The following SPMIP2 variants were observed in gnomAD, a reference collection of about 807,000 sequenced individuals.
SPMIP2 encodes sperm microtubule inner protein 2, also known as protein SPMIP2.
chr4:159,026,391 TG>T, the SPMIP2 span: 1 of 885,032 alleles, frequency 1.1e-6, no homozygotes, highest in Non-Finnish European at 1.8e-6. Context: ...ACTTTACAGA[TG>T]GATCATTGGT....
the SPMIP2 span, among the ~76,000 whole-genome samples, chr4:158,939,069 G>A: frequency 6.6e-6 from 1 of 152,194 alleles, no homozygotes; most frequent in African/African-American, 2.4e-5. Flanking sequence ...TGCTTCCTCA[G>A]CATCACTTGC....
the SPMIP2 span, among the ~76,000 whole-genome samples, chr4:159,053,026 G>A: frequency 7.2e-6 from 1 of 138,586 alleles, no homozygotes; most frequent in Non-Finnish European, 1.5e-5. Context: ...GCGGGATCTC[G>A]GCTCACTGCA....
chr4:158,945,840 AT>A, the SPMIP2 span, among the ~76,000 whole-genome samples: 16 of 151,534 alleles, frequency 1.1e-4, no homozygotes, highest in Non-Finnish European at 2.2e-4. Context: ...CTTGTCTGTT[AT>A]TTTTTTTTCT....
the SPMIP2 span, among the ~76,000 whole-genome samples, chr4:159,010,412 C>T: frequency 6.6e-6 from 1 of 152,142 alleles, no homozygotes; most frequent in South Asian, 2.1e-4. Flanking sequence ...TAAAATCTGC[C>T]TTCCTGTAAC....
At chr4:159,075,744 G>C in the SPMIP2 span, among the ~76,000 whole-genome samples, 1 of 151,178 alleles carries the variant, frequency 6.6e-6, no homozygotes, top group Non-Finnish European at 1.5e-5. Context: ...TTAAAATAGT[G>C]ATGCCATGAC....
chr4:159,052,621 A>C, the SPMIP2 span, among the ~76,000 whole-genome samples: 1 of 150,624 alleles, frequency 6.6e-6, no homozygotes, highest in Admixed American at 6.6e-5. Flanking sequence ...TATTATTATT[A>C]TTATTATTAT....
the SPMIP2 span, among the ~76,000 whole-genome samples, chr4:159,058,186 C>T: frequency 7.1e-5 from 10 of 141,446 alleles, no homozygotes; most frequent in Admixed American, 2.8e-4. Flanking sequence ...ATTTGCTGGG[C>T]TTTTTTTTTT....
At chr4:159,013,718 TG>T in the SPMIP2 span, among the ~76,000 whole-genome samples, 1 of 149,012 alleles carries the variant, frequency 6.7e-6, no homozygotes, top group African/African-American at 2.5e-5. Flanking sequence ...AATTGGGGGG[TG>T]GGGATAAAAA....
chr4:158,928,432 ACT>A, the SPMIP2 span, among the ~76,000 whole-genome samples: 19 of 151,610 alleles, frequency 1.3e-4, no homozygotes, highest in African/African-American at 3.9e-4. Flanking sequence ...ACCAATCGAC[ACT>A]CTGTATCTAG....
chr4:158,930,447 A>G, the SPMIP2 span, among the ~76,000 whole-genome samples: 1 of 150,966 alleles, frequency 6.6e-6, no homozygotes. Flanking sequence ...GGCTCAAGGG[A>G]TCCACCCATA....
chr4:158,955,889 C>T, the SPMIP2 span, among the ~76,000 whole-genome samples: 1 of 152,230 alleles, frequency 6.6e-6, no homozygotes, highest in African/African-American at 2.4e-5. Flanking sequence ...AACTGAATTT[C>T]TCATGTCATA....
the SPMIP2 span, among the ~76,000 whole-genome samples, chr4:158,942,586 A>C: frequency 6.6e-6 from 1 of 152,196 alleles, no homozygotes; most frequent in African/African-American, 2.4e-5. Flanking sequence ...CCTGGCTAAC[A>C]TGATGAAACC....
the SPMIP2 span, among the ~76,000 whole-genome samples, chr4:158,916,379 A>G: frequency 6.6e-6 from 1 of 152,208 alleles, no homozygotes; most frequent in Admixed American, 6.5e-5. Context: ...GTTTGAGCAG[A>G]GATCTCAGTG....
chr4:158,924,574 G>T, the SPMIP2 span, among the ~76,000 whole-genome samples: 2 of 151,816 alleles, frequency 1.3e-5, no homozygotes, highest in Non-Finnish European at 2.9e-5. Flanking sequence ...TAGAGACATG[G>T]TTTCACCATG....
the SPMIP2 span, chr4:158,909,294 C>T: frequency 6.6e-6 from 1 of 151,610 alleles, no homozygotes; most frequent in Non-Finnish European, 1.5e-5. Context: ...GGGAAAGTTA[C>T]AGTAGATATT....
the SPMIP2 span, among the ~76,000 whole-genome samples, chr4:158,995,204 C>T: frequency 6.6e-6 from 1 of 152,178 alleles, no homozygotes; most frequent in African/African-American, 2.4e-5. Flanking sequence ...AGGCATGAGT[C>T]CCGTGCCTGG....
At chr4:158,967,313 G>A in the SPMIP2 span, among the ~76,000 whole-genome samples, 24 of 152,160 alleles carry the variant, frequency 1.6e-4, no homozygotes, top group East Asian at 3.9e-4. Flanking sequence ...TATTTCTCCC[G>A]CCTCACAGAT....
the SPMIP2 span, among the ~76,000 whole-genome samples, chr4:158,956,256 T>C: frequency 6.6e-6 from 1 of 152,350 alleles, no homozygotes; most frequent in African/African-American, 2.4e-5. Context: ...CAATCATTTG[T>C]AGGGCCCTTT....
chr4:158,997,618 A>G, the SPMIP2 span, among the ~76,000 whole-genome samples: 2 of 152,108 alleles, frequency 1.3e-5, no homozygotes, highest in African/African-American at 4.8e-5. Context: ...GGAGAGGGCA[A>G]TTATTGGTAT....
Sources: allele counts gnomAD v4.1 joint callset (sites outside exome capture counted in the v4.1 genomes callset), GRCh38; gene constraint gnomAD v4.1.1; transcripts MANE v1.5; gene names NCBI Gene and HGNC (gene_info 2026-07-23, HGNC 2026-07-21).